Variants in CUX1 observed in about 807,000 individuals in gnomAD.
The protein encoded by CUX1 is cut like homeobox 1, also known as protein CASP.
In CUX1, 31 loss-of-function variants were observed where a neutral mutation model predicts 158.8. The observed-to-expected ratio is 0.20, with a 90% CI of 0.15 to 0.26. The LOEUF (loss-of-function observed/expected upper bound fraction) is 0.26. Among genes scored for constraint, CUX1 ranks in the 10% least tolerant of loss-of-function variants. CUX1 has a pLI of 1.00. For missense variants in CUX1, 1,589 were observed against 2,014.6 expected, an observed-to-expected ratio of 0.79 and a Z score of 4.04; for synonymous variants, 879 against 862.1, an observed-to-expected ratio of 1.02 and a Z score of -0.34.
At chr7:101,934,497 C>T (rs975128230) in intron 2 of CUX1, among the ~76,000 whole-genome samples, 48 of 152,140 alleles carry the variant, frequency 3.2e-4, no homozygotes, top group Non-Finnish European at 1.0e-4. Context: ...AATTATTGTT[C>T]CTTCTTCTTG....
intron 2 of CUX1, among the ~76,000 whole-genome samples, chr7:101,997,221 G>A (rs758894985): frequency 9.2e-5 from 14 of 151,798 alleles, no homozygotes; most frequent in Admixed American, 3.3e-4. Context: ...TGGGGAAAGC[G>A]GTAGTGTGGG....
Position 101,898,068 on chromosome 7 carries a change from C to T in CUX1, c.31-18047C>T, listed in dbSNP as rs554738683. Among the ~76,000 whole-genome samples the T allele has an allele frequency of 7.9e-5, 12 of 152,182 alleles. No individual in the cohort carries two copies. The South Asian group carries it at 2.5e-3, about 32-fold the overall frequency. ...TCAGGGATCTAGGGGGAAGAGTCAC[C>T]GCAGGGAGCGCAGATGTACTTGGAG... is the stretch of plus-strand genomic sequence containing the variant. On this transcript the variant is annotated intron_variant, in intron 1 of 23. Transcript: ENST00000292535.
chr7:102,171,838 A>G (rs1249957103), intron 10 of CUX1, among the ~76,000 whole-genome samples: 1 of 152,220 alleles, frequency 6.6e-6, no homozygotes, highest in Non-Finnish European at 1.5e-5. Context: ...AAGTGATCAC[A>G]AGGCCGCTCT....
chr7:102,270,807 AG>A (rs1554546096), intron 14 of CUX1, among the ~76,000 whole-genome samples: 1 of 152,218 alleles, frequency 6.6e-6, no homozygotes, highest in East Asian at 1.9e-4. Context: ...GAACCGGGGC[AG>A]CCTAGGATAG....
rs758937499 is a variant in CUX1, at chr7:102,070,426, C to T, written c.268+9C>T. Reference sequence around the variant, plus strand: ...ATTGATTGACGTCCCAGGTAAGCCCCGGCAGTAATGGCCCACCAGTGGGGG... The same window carrying T: ...ATTGATTGACGTCCCAGGTAAGCCCTGGCAGTAATGGCCCACCAGTGGGGG... On this transcript the variant is annotated intron_variant, in intron 4 of 23. Coordinates refer to ENST00000292535, the MANE Select transcript of CUX1 (RefSeq NM_181552.4). The T allele has an allele frequency of 1.7e-5, 27 of 1,604,314 alleles. No homozygotes were observed. In the Admixed American group the frequency reaches 2.2e-4, roughly 13 times the overall value.
chr7:101,827,240 C>CTT (rs1793408375), intron 1 of CUX1, among the ~76,000 whole-genome samples: 1 of 149,912 alleles, frequency 6.7e-6, no homozygotes, highest in African/African-American at 2.5e-5. Flanking sequence ...TTCTCCCCTC[C>CTT]CCTCCTTCTC....
At chr7:101,816,572 C>CCGCCCGCCCGCT (rs1791825146), upstream of CUX1, among the ~76,000 whole-genome samples, 1 of 141,130 alleles carries the variant, frequency 7.1e-6, no homozygotes, top group African/African-American at 2.5e-5. Context: ...GCGGTGGCGC[C>CCGCCCGCCCGCT]CGCCCGCCCG....
chr7:101,905,623 G>A (rs1802666472), intron 1 of CUX1, among the ~76,000 whole-genome samples: 3 of 152,152 alleles, frequency 2.0e-5, no homozygotes, highest in African/African-American at 7.2e-5. Flanking sequence ...ATCCACCCTC[G>A]TGGTGAGAAA....
At chr7:101,957,341 C>T (rs1357047362) in intron 2 of CUX1, among the ~76,000 whole-genome samples, 2 of 152,184 alleles carry the variant, frequency 1.3e-5, no homozygotes, top group Non-Finnish European at 2.9e-5. Flanking sequence ...TAAGTCTTAG[C>T]AGGGATTATT....
At chr7:101,868,325 CT>C (rs1250610553) in intron 1 of CUX1, among the ~76,000 whole-genome samples, 2 of 152,174 alleles carry the variant, frequency 1.3e-5, no homozygotes, top group African/African-American at 2.4e-5. Context: ...GTGGAGCTGG[CT>C]TTTGTCCTTT....
At chr7:102,071,530 G>T (rs1394836386) in intron 4 of CUX1, among the ~76,000 whole-genome samples, 1 of 152,170 alleles carries the variant, frequency 6.6e-6, no homozygotes, top group East Asian at 1.9e-4. Context: ...GCCAAGCAAA[G>T]AATTGGAATT....
At chr7:102,135,561 GTGTGTGTGTT>G (rs1285708564) in intron 8 of CUX1, among the ~76,000 whole-genome samples, 6 of 139,104 alleles carry the variant, frequency 4.3e-5, no homozygotes, top group Admixed American at 2.1e-4. Context: ...CAACTTGTGT[GTGTGTGTGTT>G]TGTGTGTGTG....
At chr7:102,230,276 G>C (rs1798821155) in intron 21 of CUX1, among the ~76,000 whole-genome samples, 1 of 151,782 alleles carries the variant, frequency 6.6e-6, no homozygotes, top group East Asian at 1.9e-4. Context: ...AGGAGTTCGA[G>C]ACCAGCCTGG....
chr7:102,179,595 C>G (rs1000718489), intron 11 of CUX1, among the ~76,000 whole-genome samples: 1 of 152,212 alleles, frequency 6.6e-6, no homozygotes, highest in Non-Finnish European at 1.5e-5. Context: ...CCATAAATTT[C>G]TATCCCAGAC....
Position 102,255,853 on chromosome 7 carries a change from T to A in CUX1, c.*6811T>A. 1.0e-6 allele frequency: 1 copy of A among 984,274 alleles called. No homozygotes were observed. The highest frequency in any genetic ancestry group is 4.7e-5 in the South Asian group (1 of 21,256). The allele number at this position is 984,274 out of a possible 1,614,324, so 61.0% of individuals were successfully genotyped here. ...TATTATTTTATTATTTTTTTTGTACTTTGCTTTAAACGGAAAGCACTTAAA... is the reference window on the plus strand; with the variant it reads ...TATTATTTTATTATTTTTTTTGTACATTGCTTTAAACGGAAAGCACTTAAA... On this transcript the variant is annotated 3_prime_UTR_variant, in exon 24 of 24. Transcript: ENST00000292535.
chr7:102,038,049 C>A (rs373341479), intron 3 of CUX1, among the ~76,000 whole-genome samples: 372 of 142,280 alleles, frequency 2.6e-3, no homozygotes, highest in Middle Eastern at 3.6e-3. Flanking sequence ...GACTCTGTCT[C>A]AAAAAAAAAA....
intron 1 of CUX1, among the ~76,000 whole-genome samples, chr7:101,833,562 TAAAA>T (rs534986714): frequency 2.5e-4 from 19 of 75,812 alleles, no homozygotes; most frequent in East Asian, 1.2e-3. Context: ...CTCTGTCTCT[TAAAA>T]AAAAAAAAAA....
At chr7:102,095,852 C>T (rs1444267441) in intron 4 of CUX1, among the ~76,000 whole-genome samples, 1 of 152,164 alleles carries the variant, frequency 6.6e-6, no homozygotes, top group African/African-American at 2.4e-5. Context: ...TCTGACGGAG[C>T]CTGAGAATTC....
At chr7:101,816,524 G>T (rs1052457567), upstream of CUX1, among the ~76,000 whole-genome samples, 1 of 141,814 alleles carries the variant, frequency 7.1e-6, no homozygotes, top group African/African-American at 2.5e-5. Flanking sequence ...GCGGCGGGGG[G>T]CGGGCGGCGG....
Sources: gnomAD v4.1 joint callset for allele counts (sites outside exome capture counted in the v4.1 genomes callset) on GRCh38, gnomAD v4.1.1 for gene constraint, MANE v1.5 for transcripts, NCBI Gene and HGNC (gene_info 2026-07-23, HGNC 2026-07-21) for gene names.